Variants in DLG2 observed in about 807,000 individuals in gnomAD.
The protein encoded by DLG2 is discs large MAGUK scaffold protein 2.
A neutral mutation model predicts 132.5 loss-of-function variants in DLG2; 45 were observed. That is an observed-to-expected ratio of 0.34 (90% CI 0.27 to 0.44). The LOEUF (loss-of-function observed/expected upper bound fraction) is 0.44, where lower values mean the gene tolerates loss of function less well. DLG2 is among the 20% of genes least tolerant of loss of function. DLG2 has a pLI of 1.00. For missense variants in DLG2, 1,045 were observed against 1,196.9 expected (o/e 0.87, Z 1.87); for synonymous variants, 424 against 419.6 (o/e 1.01, Z -0.13).
intron 18 of DLG2, among the ~76,000 whole-genome samples, chr11:83,701,012 A>C (rs2082835468): frequency 6.6e-6 from 1 of 152,186 alleles, no homozygotes; most frequent in Non-Finnish European, 1.5e-5. Context: ...GAAAAGCACC[A>C]TTTTGGGTAC....
chr11:83,878,273 G>C (rs1215479947), intron 15 of DLG2, among the ~76,000 whole-genome samples: 1 of 152,116 alleles, frequency 6.6e-6, no homozygotes, highest in Non-Finnish European at 1.5e-5. Flanking sequence ...GCACACAAAA[G>C]ACCCTTCATC....
At chr11:84,380,624 A>C (rs1312343218) in intron 7 of DLG2, among the ~76,000 whole-genome samples, 1 of 152,002 alleles carries the variant, frequency 6.6e-6, no homozygotes, top group Non-Finnish European at 1.5e-5. Flanking sequence ...TAGAAAAGGA[A>C]GAAAAAGTAT....
intron 6 of DLG2, among the ~76,000 whole-genome samples, chr11:84,899,559 TC>T (rs1030370592): frequency 6.6e-6 from 1 of 152,074 alleles, no homozygotes; most frequent in Non-Finnish European, 1.5e-5. Context: ...ACCTCTGCTA[TC>T]TGCTTCTGCT....
intron 11 of DLG2, among the ~76,000 whole-genome samples, chr11:83,995,020 T>C (rs1216209664): frequency 6.7e-6 from 1 of 149,372 alleles, no homozygotes; most frequent in Non-Finnish European, 1.5e-5. Flanking sequence ...CATATTGGAA[T>C]AGAGTCTACC....
Position 85,598,587 on chromosome 11 carries a change from G to T in DLG2, c.40+70C>A. On this transcript the variant is annotated intron_variant, in intron 3 of 27. Transcript: ENST00000376104. ...AAACTTGGTTAACATCAGGTTCTTT[G>T]ACCACATTATTCAAACTATCAAGCC... 2.6e-6 allele frequency: 3 copies of T among 1,155,980 alleles called. No individual in the cohort carries two copies. In the South Asian group the frequency reaches 6.9e-5, roughly 27 times the overall value. 71.6% of individuals were successfully genotyped at this position (1,155,980 alleles called of 1,614,324 possible). A position where few individuals can be genotyped will look rare whatever the true frequency, so the allele number is the denominator to read the frequency against.
chr11:84,973,018 C>G (rs1433497640), intron 6 of DLG2, among the ~76,000 whole-genome samples: 3 of 149,488 alleles, frequency 2.0e-5, no homozygotes, highest in African/African-American at 7.4e-5. Flanking sequence ...AGGGCAGTGG[C>G]GCGATCTCAG....
rs1224391446 is a variant in DLG2 at position 83,842,806 on chromosome 11, ACT to A, written c.1566-9038_1566-9037del. Among the ~76,000 whole-genome samples, 15 of 135,534 alleles carry A rather than the reference ACT, an allele frequency of 1.1e-4. No individual in the cohort carries two copies. In the East Asian group the frequency reaches 3.2e-3, roughly 29 times the overall value. 88.9% of individuals were successfully genotyped at this position (135,534 alleles called of 152,430 possible). On this transcript the variant is annotated intron_variant, in intron 16 of 27. Coordinates refer to ENST00000376104, the MANE Select transcript of DLG2 (RefSeq NM_001142699.3). ...ACTCCAGCCTGGGCGACAGAGCAAG[ACT>A]CTGTCTCCAAAAAAAAAAAAAAAAA...
At chr11:83,912,294 G>T (rs1242299609) in intron 15 of DLG2, among the ~76,000 whole-genome samples, 1 of 152,022 alleles carries the variant, frequency 6.6e-6, no homozygotes, top group Non-Finnish European at 1.5e-5. Flanking sequence ...TTATGACTGG[G>T]TTGTTATCTT....
At chr11:84,832,711 T>G (rs2153996760) in intron 6 of DLG2, among the ~76,000 whole-genome samples, 1 of 151,794 alleles carries the variant, frequency 6.6e-6, no homozygotes, top group East Asian at 2.0e-4. Context: ...TATTACTTAT[T>G]TATGTTATTT....
At chr11:84,888,392 A>G (rs12807502) in intron 6 of DLG2, among the ~76,000 whole-genome samples, 152,102 of 152,190 alleles carry the variant, frequency 1, 76,008 homozygotes, top group Middle Eastern at 1. Flanking sequence ...CTCAGACATC[A>G]GACCTGCTTG....
intron 3 of DLG2, among the ~76,000 whole-genome samples, chr11:85,407,280 T>C (rs748095943): frequency 1.3e-5 from 2 of 151,838 alleles, no homozygotes; most frequent in Non-Finnish European, 2.9e-5. Flanking sequence ...TAAAAGGTAG[T>C]AAAGGCAAGC....
chr11:84,980,474 C>T (rs1337079595), intron 6 of DLG2, among the ~76,000 whole-genome samples: 1 of 152,124 alleles, frequency 6.6e-6, no homozygotes, highest in African/African-American at 2.4e-5. Flanking sequence ...TAAAAAGGCT[C>T]ATCACTGCCA....
At chr11:83,739,488 T>A (rs1330397759) in intron 18 of DLG2, among the ~76,000 whole-genome samples, 1 of 151,874 alleles carries the variant, frequency 6.6e-6, no homozygotes, top group Non-Finnish European at 1.5e-5. Flanking sequence ...GTGATATTAA[T>A]CAGTAAGGAA....
intron 7 of DLG2, among the ~76,000 whole-genome samples, chr11:84,268,567 T>G (rs1276405948): frequency 5.3e-5 from 8 of 151,290 alleles, no homozygotes; most frequent in Admixed American, 5.3e-4. Flanking sequence ...GTTCACGCCA[T>G]TCTCCTGTCT....
At chr11:85,596,225 A>G (rs557714001) in intron 3 of DLG2, among the ~76,000 whole-genome samples, 1 of 152,150 alleles carries the variant, frequency 6.6e-6, no homozygotes, top group East Asian at 1.9e-4. Context: ...CCATCTCTAC[A>G]AAAAATACAA....
intron 3 of DLG2, among the ~76,000 whole-genome samples, chr11:85,390,740 A>C (rs1463404702): frequency 1.3e-5 from 2 of 152,110 alleles, no homozygotes; most frequent in Non-Finnish European, 2.9e-5. Context: ...CTTTCAACTA[A>C]ACAATAAGAG....
At chr11:84,589,205 G>A (rs539515714) in intron 6 of DLG2, among the ~76,000 whole-genome samples, 8 of 152,290 alleles carry the variant, frequency 5.3e-5, no homozygotes, top group Admixed American at 2.0e-4. Context: ...AGGAGCTTGA[G>A]ATGAAAATAA....
intron 9 of DLG2, among the ~76,000 whole-genome samples, chr11:84,136,732 G>A (rs1221940062): frequency 6.6e-6 from 1 of 152,162 alleles, no homozygotes; most frequent in Admixed American, 6.5e-5. Flanking sequence ...TCAAGGCAAA[G>A]TCTCTGGAGA....
intron 6 of DLG2, among the ~76,000 whole-genome samples, chr11:84,862,817 C>CCG (rs2083930354): frequency 2.2e-5 from 1 of 46,176 alleles, no homozygotes; most frequent in South Asian, 1.1e-3. Flanking sequence ...CAGGTCCTGT[C>CCG]GGGGGGGGGG....
Sources: gnomAD v4.1 joint callset for allele counts (sites outside exome capture counted in the v4.1 genomes callset) on GRCh38, gnomAD v4.1.1 for gene constraint, MANE v1.5 for transcripts, NCBI Gene and HGNC (gene_info 2026-07-23, HGNC 2026-07-21) for gene names.